The following NUBPL variants were observed in gnomAD, a reference collection of about 807,000 sequenced individuals.
The protein encoded by NUBPL is NUBP iron-sulfur cluster assembly factor, mitochondrial.
NUBPL carries 31 observed loss-of-function variants against 45.7 expected under a neutral mutation model. The observed-to-expected ratio is 0.68, with a 90% CI of 0.51 to 0.92. NUBPL has a LOEUF of 0.92. NUBPL is among the 40% of genes least tolerant of loss of function. NUBPL has a pLI of 0.00. For missense variants in NUBPL, 401 were observed against 398.7 expected (o/e 1.01, Z -0.05); for synonymous variants, 144 against 140.9 (o/e 1.02, Z -0.15).
At chr14:31,663,509 T>G (rs1031354676) in intron 4 of NUBPL, among the ~76,000 whole-genome samples, 4 of 152,224 alleles carry the variant, frequency 2.6e-5, no homozygotes, top group Non-Finnish European at 5.9e-5. Flanking sequence ...CTTTTCCTAT[T>G]GCCTGTTTGT....
chr14:31,838,324 C>T (rs2040317672), intron 8 of NUBPL, among the ~76,000 whole-genome samples: 1 of 140,596 alleles, frequency 7.1e-6, no homozygotes. Context: ...CAAAAACATT[C>T]ACAGAAGCAT....
At chr14:31,853,916 G>A (rs1293377871) in intron 10 of NUBPL, among the ~76,000 whole-genome samples, 1 of 152,142 alleles carries the variant, frequency 6.6e-6, no homozygotes, top group African/African-American at 2.4e-5. Flanking sequence ...ACTACCTTCT[G>A]CTCTTGATTA....
At chr14:31,718,379 T>C (rs1218534789) in intron 6 of NUBPL, among the ~76,000 whole-genome samples, 1 of 152,162 alleles carries the variant, frequency 6.6e-6, no homozygotes, top group Non-Finnish European at 1.5e-5. Context: ...GTTAAGAAAA[T>C]CAAACCCAAG....
intron 6 of NUBPL, among the ~76,000 whole-genome samples, chr14:31,710,935 C>T (rs982746967): frequency 1.3e-5 from 2 of 152,100 alleles, no homozygotes; most frequent in Non-Finnish European, 2.9e-5. Flanking sequence ...AAATAGAGTC[C>T]TGGAGTTTAT....
chr14:31,631,990 T>G (rs2035357055), intron 4 of NUBPL, among the ~76,000 whole-genome samples: 1 of 152,160 alleles, frequency 6.6e-6, no homozygotes, highest in African/African-American at 2.4e-5. Context: ...TTGCCCTTCA[T>G]CTAAGTTGTA....
At chr14:31,595,058 T>C (rs559703565) in intron 3 of NUBPL, among the ~76,000 whole-genome samples, 1 of 152,342 alleles carries the variant, frequency 6.6e-6, no homozygotes, top group Admixed American at 6.5e-5. Context: ...ATAAATTGCA[T>C]TGGAAGAACA....
chr14:31,755,005 A>G (rs1439660037), intron 6 of NUBPL, among the ~76,000 whole-genome samples: 1 of 151,762 alleles, frequency 6.6e-6, no homozygotes, highest in Non-Finnish European at 1.5e-5. Flanking sequence ...AATTTCATCC[A>G]TGTCCCTACA....
At chr14:31,760,419 T>G (rs1356101178) in intron 6 of NUBPL, among the ~76,000 whole-genome samples, 2 of 151,918 alleles carry the variant, frequency 1.3e-5, no homozygotes, top group African/African-American at 2.4e-5. Context: ...TCCCAAAGTG[T>G]TTGGATTATA....
intron 7 of NUBPL, among the ~76,000 whole-genome samples, chr14:31,822,585 G>T (rs766578689): frequency 2.0e-5 from 3 of 152,016 alleles, no homozygotes; most frequent in Non-Finnish European, 4.4e-5. Flanking sequence ...ACAAGGATTA[G>T]AATTTTATTT....
chr14:31,638,246 T>A (rs1415280269), intron 4 of NUBPL, among the ~76,000 whole-genome samples: 1 of 152,170 alleles, frequency 6.6e-6, no homozygotes, highest in Admixed American at 6.5e-5. Context: ...CTTTCCATGT[T>A]TAGTGCTTCC....
intron 7 of NUBPL, among the ~76,000 whole-genome samples, chr14:31,788,242 G>A (rs992988483): frequency 2.6e-5 from 4 of 152,156 alleles, no homozygotes. Flanking sequence ...TAGCAGCAAG[G>A]GTTAAGTAGT....
chr14:31,573,015 G>A (rs1325686594), intron 3 of NUBPL, among the ~76,000 whole-genome samples: 1 of 152,184 alleles, frequency 6.6e-6, no homozygotes, highest in African/African-American at 2.4e-5. Flanking sequence ...AGAGCTTGCA[G>A]GACTGATAGT....
At chr14:31,792,060 A>G (rs2039393033) in intron 7 of NUBPL, among the ~76,000 whole-genome samples, 2 of 152,188 alleles carry the variant, frequency 1.3e-5, no homozygotes, top group South Asian at 2.1e-4. Flanking sequence ...ACAGTAGATC[A>G]TAGCTAAGTT....
chr14:31,764,044 A>G (rs1203870665), intron 6 of NUBPL, among the ~76,000 whole-genome samples: 1 of 152,108 alleles, frequency 6.6e-6, no homozygotes, highest in Non-Finnish European at 1.5e-5. Context: ...TGATTGAGTT[A>G]GTTAGTTTTG....
intron 4 of NUBPL, among the ~76,000 whole-genome samples, chr14:31,656,091 C>CT (rs917314055): frequency 9.2e-5 from 14 of 151,428 alleles, no homozygotes; most frequent in East Asian, 1.9e-4. Flanking sequence ...ATAGAGATGG[C>CT]TTTTTTTTTC....
At chr14:31,641,691 T>C (rs1385850098) in intron 4 of NUBPL, among the ~76,000 whole-genome samples, 1 of 152,210 alleles carries the variant, frequency 6.6e-6, no homozygotes, top group Admixed American at 6.5e-5. Context: ...TTTGGATATA[T>C]ACCCAGCAGT....
At chr14:31,832,251 T>A (rs2040204594) in intron 8 of NUBPL, among the ~76,000 whole-genome samples, 1 of 152,090 alleles carries the variant, frequency 6.6e-6, no homozygotes, top group Non-Finnish European at 1.5e-5. Context: ...ATGGTGTAGG[T>A]GATAGGCAGT....
intron 6 of NUBPL, among the ~76,000 whole-genome samples, chr14:31,752,697 G>A (rs888809933): frequency 6.6e-6 from 1 of 152,118 alleles, no homozygotes; most frequent in African/African-American, 2.4e-5. Context: ...TTCCAAAGTT[G>A]CTCCCACATT....
At chr14:31,816,134 G>T (rs1367585277) in intron 7 of NUBPL, among the ~76,000 whole-genome samples, 1 of 152,162 alleles carries the variant, frequency 6.6e-6, no homozygotes, top group Non-Finnish European at 1.5e-5. Context: ...TGTACCTCTG[G>T]TAGAATTCAG....
Sources: allele counts gnomAD v4.1 joint callset (sites outside exome capture counted in the v4.1 genomes callset), GRCh38; gene constraint gnomAD v4.1.1; transcripts MANE v1.5; gene names NCBI Gene and HGNC (gene_info 2026-07-23, HGNC 2026-07-21).